MYH3: variants seen among roughly 807,000 people sequenced by gnomAD.
MYH3 encodes myosin-3.
In MYH3, 130 loss-of-function variants were observed where a neutral mutation model predicts 238.0. The observed-to-expected ratio is 0.55, with a 90% confidence interval of 0.47 to 0.63. The LOEUF (loss-of-function observed/expected upper bound fraction) is 0.63, where lower values mean the gene tolerates loss of function less well. Ranked by LOEUF, MYH3 falls within the 30% of genes least tolerant of loss-of-function variation. The probability of loss-of-function intolerance (pLI) is 0.00; values close to 1 mark genes in which losing one functional copy is unlikely to be tolerated. For synonymous variants in MYH3, 880 were observed against 924.1 expected (o/e 0.95, Z 0.86); for missense variants, 1,853 against 2,374.9 (o/e 0.78, Z 4.57).
chr17:10,652,183 A>C (rs1203206366), intron 4 of MYH3: 15 of 600,288 alleles, frequency 2.5e-5, no homozygotes, highest in Middle Eastern at 4.6e-4. Context: ...CCCGTGACCA[A>C]GCCTGGCCCC....
intron 32 of MYH3, 70 bp from the exon 33 acceptor site, chr17:10,633,785 C>G: frequency 1.9e-6 from 3 of 1,577,556 alleles, no homozygotes; most frequent in Non-Finnish European, 2.6e-6. Flanking sequence ...AAAGCATTGA[C>G]TCAATGCTTT....
At chr17:10,652,260 T>C in intron 4 of MYH3, 160 bp downstream of exon 4, 1 of 926,388 alleles carries the variant, frequency 1.1e-6, no homozygotes, top group Non-Finnish European at 1.7e-6. Flanking sequence ...ATCCACCTCT[T>C]GCTTTCTTGC....
the MYH3 span, among the ~76,000 whole-genome samples, chr17:10,665,195 T>G: frequency 6.6e-6 from 1 of 152,146 alleles, no homozygotes. Context: ...CAGGCTGGAG[T>G]GCAGTGGCAC....
Position 10,638,166 on chromosome 17 carries a change from G to T in MYH3, c.3606C>A (p.Ala1202=). Residue 1202 remains alanine (A), a synonymous_variant, in exon 27 of 41, where the codon GCC becomes GCA. Coordinates refer to ENST00000583535, the MANE Select transcript of MYH3 (RefSeq NM_002470.4). ...GGTTGTCAATCTGCTCCCCAAGCTC[G>T]GCCACACTATCCGCATGCTTCTTCC... The part of the protein sequence containing the change: ...ALRKKHADSV[A]ELGEQIDNLQ... 6.2e-7 allele frequency: 1 copy of T among 1,613,760 alleles called. No homozygotes were observed. The highest frequency in any genetic ancestry group is 1.3e-5 in the African/African-American group (1 of 74,896).
rs969616877 is a variant in MYH3 at position 10,639,886 on chromosome 17, T to A, written c.2683-84A>T. ...ATTTCACTATATATGAAGTTCTTTA[T>A]GAAGCATTTCAACTAAAAAGCAAAA... On this transcript the variant is annotated intron_variant, in intron 22 of 40. Transcript: ENST00000583535. 1.0e-5 allele frequency: 16 copies of A among 1,594,242 alleles called. No individual in the cohort carries two copies. The African/African-American group carries it at 2.2e-4, about 22-fold the overall frequency.
chr17:10,629,818 G>A lies in MYH3; in HGVS notation c.5658+24C>T, dbSNP rs747504488. The A allele has an allele frequency of 2.5e-5, 41 of 1,613,658 alleles. 1 individual carries two copies. Among genetic ancestry groups the A allele is most frequent in the Non-Finnish European group, 2.8e-5 (33 of 1,179,954 alleles). ...CGGGAAACAGCACGGTCTGCCTGCC[G>A]CAGTCAGCACCTATCTCACTTACAG... is the stretch of plus-strand genomic sequence containing the variant. On this transcript the variant is annotated intron_variant, in intron 39 of 40. Coordinates refer to ENST00000583535, the MANE Select transcript of MYH3 (RefSeq NM_002470.4).
In MYH3 at chr17:10,638,199, G is replaced by A. The variant is rs768425544; in HGVS notation, c.3573C>T (p.Ala1191=). 2.5e-6 allele frequency: 4 copies of A among 1,613,734 alleles called. No homozygotes were observed. In the East Asian group the frequency reaches 6.7e-5, roughly 27 times the overall value. ...TATCCGCATGCTTCTTCCTCAGCGCGGCCACCATGGCTTCGTGCTGCAGTG... is the reference window on the plus strand; with the variant it reads ...TATCCGCATGCTTCTTCCTCAGCGCAGCCACCATGGCTTCGTGCTGCAGTG... The part of the protein sequence containing the change: ...EATLQHEAMV[A]ALRKKHADSV... Residue 1191 remains alanine, a synonymous_variant, in exon 27 of 41, where the codon GCC becomes GCT. Coordinates refer to ENST00000583535, the MANE Select transcript of MYH3 (RefSeq NM_002470.4).
chr17:10,670,199 A>C, the MYH3 span, among the ~76,000 whole-genome samples: 2 of 152,200 alleles, frequency 1.3e-5, no homozygotes, highest in Non-Finnish European at 2.9e-5. The surrounding 1 kb of genome is among the most constrained non-coding windows in gnomAD (Gnocchi z 7.0). Context: ...ACACTGCAAC[A>C]ATAAACTCCA....
chr17:10,642,991 G>A lies in MYH3; in HGVS notation c.1416C>T (p.Asn472=), dbSNP rs1252377905. The A allele has an allele frequency of 1.9e-6, 3 of 1,614,168 alleles. No homozygotes were observed. The highest frequency in any genetic ancestry group is 4.5e-5 in the East Asian group (2 of 44,886). ...AGTTGATGCACAGCTGCTCCAGGCT[G>A]TTATACTAATAAAAAAATACAACAT... ...DIAGFEIFEY[N]SLEQLCINFT... The change falls in exon 15 of 41, where the codon AAC becomes AAT. Residue 472 remains asparagine (N), a synonymous_variant. Coordinates refer to ENST00000583535, the MANE Select transcript of MYH3 (RefSeq NM_002470.4). This position sits in a 1 kb window ranked among gnomAD's most constrained non-coding sequence, Gnocchi z 5.4.
chr17:10,643,059 A>G, intron 14 of MYH3, 63 bp from the exon 15 acceptor site: 1 of 1,613,628 alleles, frequency 6.2e-7, no homozygotes, highest in Non-Finnish European at 8.5e-7. Context: ...AAGACTGTCA[A>G]CATTCCTCCT....
the MYH3 span, among the ~76,000 whole-genome samples, chr17:10,666,592 A>C: frequency 6.6e-6 from 1 of 151,184 alleles, no homozygotes; most frequent in Non-Finnish European, 1.5e-5. Context: ...AAAAAAAAAA[A>C]AAAAACTTAA....
rs762421021 is a variant in MYH3, at chr17:10,639,229, G to A, written c.3103-40C>T. On this transcript the variant is annotated intron_variant, in intron 24 of 40. Transcript: ENST00000583535. ...ATTTCCTTTTGGGAACAAATGCTTT[G>A]CAAGAGGACCCTTGAGGGCTCTTCC... is the stretch of plus-strand genomic sequence containing the variant. 5.6e-6 allele frequency: 9 copies of A among 1,614,036 alleles called. No individual in the cohort carries two copies. The African/African-American group carries it at 1.1e-4, about 19-fold the overall frequency.
intron 2 of MYH3, among the ~76,000 whole-genome samples, chr17:10,655,430 G>A (rs373953285): frequency 6.6e-6 from 1 of 152,152 alleles, no homozygotes; most frequent in Admixed American, 6.5e-5. Flanking sequence ...CTGAGGGAAC[G>A]TTTAAAAATA....
Position 10,635,932 on chromosome 17 carries a change from T to C in MYH3, c.3857-79A>G, listed in dbSNP as rs544918527. On this transcript the variant is annotated intron_variant, in intron 28 of 40. Coordinates refer to ENST00000583535, the MANE Select transcript of MYH3 (RefSeq NM_002470.4). Reference sequence around the variant, plus strand: ...ACTTTCTATTATGTGTAGGGCACTGTGCTAAGATCTGGGGAGACAGAAAAT... The same window carrying C: ...ACTTTCTATTATGTGTAGGGCACTGCGCTAAGATCTGGGGAGACAGAAAAT... 904 of 1,177,548 alleles carry C rather than the reference T, an allele frequency of 7.7e-4. 4 individuals are homozygous for C. The African/African-American group carries it at 9.6e-3, about 13-fold the overall frequency. 72.9% of individuals were successfully genotyped at this position (1,177,548 alleles called of 1,614,324 possible). A position where few individuals can be genotyped will look rare whatever the true frequency, so the allele number is the denominator to read the frequency against.
upstream of MYH3, among the ~76,000 whole-genome samples, chr17:10,660,250 T>C (rs1448150391): frequency 1.3e-5 from 2 of 152,226 alleles, no homozygotes; most frequent in Admixed American, 6.5e-5. Flanking sequence ...GTTTGCCAGG[T>C]GTAAGTTTTC....
chr17:10,641,413 GT>G, intron 17 of MYH3, 41 bp from the exon 18 acceptor site: 1 of 1,425,008 alleles, frequency 7.0e-7, no homozygotes, highest in Non-Finnish European at 9.9e-7. Context: ...CCTACTGTAG[GT>G]TTTTATGAAG....
chr17:10,643,160 G>A (rs1026243142), intron 14 of MYH3, among the ~76,000 whole-genome samples, 164 bp from the exon 15 acceptor site: 5 of 152,076 alleles, frequency 3.3e-5, no homozygotes, highest in Non-Finnish European at 5.9e-5. Context: ...CCTCCTTGGC[G>A]TCTTCTGTAA....
At chr17:10,645,090 T>A (rs576326456) in intron 12 of MYH3, among the ~76,000 whole-genome samples, 3 of 149,974 alleles carry the variant, frequency 2.0e-5, no homozygotes, top group African/African-American at 7.4e-5. Context: ...CAGGCTGGAG[T>A]GCAGTGGCAC....
chr17:10,639,919 C>T (rs1302645810), intron 22 of MYH3, 77 bp downstream of exon 22: 6 of 1,589,468 alleles, frequency 3.8e-6, no homozygotes, highest in Non-Finnish European at 3.4e-6. Flanking sequence ...AAAATCCCCA[C>T]CAATAACTCA....
Sources: allele counts gnomAD v4.1 joint callset (sites outside exome capture counted in the v4.1 genomes callset), GRCh38; gene constraint gnomAD v4.1.1; non-coding constraint Gnocchi (gnomAD v3.1); transcripts MANE v1.5; gene names NCBI Gene and HGNC (gene_info 2026-07-23, HGNC 2026-07-21).